The following SYNCRIP variants were observed in gnomAD, a reference collection of about 807,000 sequenced individuals.
The protein encoded by SYNCRIP is heterogeneous nuclear ribonucleoprotein Q.
SYNCRIP carries 9 observed loss-of-function variants against 68.9 expected under a neutral mutation model. The observed-to-expected ratio is 0.13, with a 90% confidence interval of 0.08 to 0.23. The LOEUF (loss-of-function observed/expected upper bound fraction) is 0.23. Ranked by LOEUF, SYNCRIP falls within the 10% of genes least tolerant of loss-of-function variation. The pLI, the probability that SYNCRIP is intolerant of heterozygous loss-of-function variation, is 1.00. For missense variants in SYNCRIP, 414 were observed against 770.6 expected (o/e 0.54, Z 5.48); for synonymous variants, 258 against 254.0 (o/e 1.02, Z -0.15).
intron 8 of SYNCRIP, among the ~76,000 whole-genome samples, chr6:85,622,068 G>A (rs1256703117): frequency 6.6e-6 from 1 of 150,920 alleles, no homozygotes; most frequent in Non-Finnish European, 1.5e-5. Context: ...TAAAAATATG[G>A]TTTAAAAAAA....
chr6:85,631,943 T>TA (rs1562100713), intron 6 of SYNCRIP, among the ~76,000 whole-genome samples: 1 of 152,212 alleles, frequency 6.6e-6, no homozygotes, highest in Non-Finnish European at 1.5e-5. Context: ...GTAGTAGCTA[T>TA]TAATCACCTT....
chr6:85,611,494 T>C (rs910734718), downstream of SYNCRIP: 1 of 152,514 alleles, frequency 6.6e-6, no homozygotes, highest in Non-Finnish European at 1.5e-5. Context: ...CTATTGGGTA[T>C]GTGATATAAC....
At chr6:85,618,321 A>G (rs1325038023) in intron 10 of SYNCRIP, among the ~76,000 whole-genome samples, 2 of 151,980 alleles carry the variant, frequency 1.3e-5, no homozygotes, top group Non-Finnish European at 2.9e-5. Context: ...TGGGCGGATC[A>G]CCTGAGGTCA....
intron 4 of SYNCRIP, among the ~76,000 whole-genome samples, chr6:85,638,932 A>G (rs953369912): frequency 6.6e-6 from 1 of 152,190 alleles, no homozygotes; most frequent in Non-Finnish European, 1.5e-5. Context: ...GTAAGCAGCC[A>G]GGCATGGTGG....
rs2128278264 is a variant in SYNCRIP, at chr6:85,615,094, G to A, written c.1534C>T (p.Arg512Cys). Residue 512 changes from arginine to cysteine, a missense_variant, in exon 11 of 11, where the codon CGT (arginine) becomes TGT (cysteine). By Grantham distance (180) the Arg-to-Cys change is radical. Coordinates refer to ENST00000369622, the MANE Select transcript of SYNCRIP (RefSeq NM_006372.5). The stretch of plus-strand genomic sequence containing the variant: ...CTACCGCGGGGAGGAGCAGCCCCAC[G>A]ACCTCTGGATGGAGCAGCACCCCTT... The part of the protein sequence containing the change: ...GARGAAPSRG[R>C]GAAPPRGRAG... 3 of 1,614,034 alleles carry A rather than the reference G, an allele frequency of 1.9e-6. No individual in the cohort carries two copies. The highest frequency in any genetic ancestry group is 2.2e-5 in the South Asian group (2 of 91,068).
chr6:85,631,984 AGATT>A (rs1807852720), intron 6 of SYNCRIP, among the ~76,000 whole-genome samples: 1 of 152,232 alleles, frequency 6.6e-6, no homozygotes, highest in Non-Finnish European at 1.5e-5. Flanking sequence ...TTCCCTAGCT[AGATT>A]ATCATCATTT....
intron 2 of SYNCRIP, among the ~76,000 whole-genome samples, 174 bp from the exon 3 acceptor site, chr6:85,640,738 A>G (rs900192949): frequency 5.3e-5 from 8 of 151,932 alleles, no homozygotes; most frequent in Admixed American, 2.6e-4. Context: ...CCTGAACTAA[A>G]TATGCCCTAC....
intron 8 of SYNCRIP, among the ~76,000 whole-genome samples, chr6:85,621,969 C>T (rs954111101): frequency 2.7e-5 from 4 of 148,646 alleles, no homozygotes; most frequent in African/African-American, 5.2e-5. Context: ...TAAGTATCCA[C>T]GCATCAATTT....
chr6:85,643,542 G>T (rs1809458698), upstream of SYNCRIP, among the ~76,000 whole-genome samples: 1 of 151,668 alleles, frequency 6.6e-6, no homozygotes, highest in Admixed American at 6.6e-5. Flanking sequence ...TCCAGGCGGG[G>T]CGGGCCGGCT....
In SYNCRIP at chr6:85,638,359, T is replaced by C. The variant is rs935286906; in HGVS notation, c.376-1003A>G. Among the ~76,000 whole-genome samples the C allele has an allele frequency of 5.4e-5, 6 of 111,192 alleles. No individual in the cohort carries two copies. The East Asian group carries it at 1.2e-3, about 22-fold the overall frequency. The allele number at this position is 111,192 out of a possible 152,430, so 72.9% of individuals were successfully genotyped here. On this transcript the variant is annotated intron_variant, in intron 4 of 10. Coordinates refer to ENST00000369622, the MANE Select transcript of SYNCRIP (RefSeq NM_006372.5). ...TCGCGCCACTGCACTCCAGCCTGGA[T>C]GACAGAGCAAGACCCCATCTCAAAA...
rs892921239 is a variant in SYNCRIP, at chr6:85,614,534, TTCAG to T, written c.*218_*221del. 16 of 1,250,798 alleles carry T rather than the reference TTCAG, an allele frequency of 1.3e-5. No individual in the cohort carries two copies. In the African/African-American group the frequency reaches 2.5e-4, roughly 19 times the overall value. 77.5% of individuals were successfully genotyped at this position (1,250,798 alleles called of 1,614,324 possible). On this transcript the variant is annotated 3_prime_UTR_variant, in exon 11 of 11. Transcript: ENST00000369622. Reference sequence around the variant, plus strand: ...AAATGCAAACTCATTAACTATTTCTTTCAGTATCTAAGAATATCTTTATTGAAAA... The same window carrying T: ...AAATGCAAACTCATTAACTATTTCTTTATCTAAGAATATCTTTATTGAAAA...
chr6:85,622,769 T>C (rs1806560472), intron 7 of SYNCRIP, 82 bp from the exon 8 acceptor site: 2 of 1,062,702 alleles, frequency 1.9e-6, no homozygotes, highest in African/African-American at 3.2e-5. Flanking sequence ...TCTAAGATAC[T>C]ACTTAAATAT....
At chr6:85,618,358 T>A (rs1035120234) in intron 10 of SYNCRIP, among the ~76,000 whole-genome samples, 1 of 150,992 alleles carries the variant, frequency 6.6e-6, no homozygotes, top group Non-Finnish European at 1.5e-5. Context: ...CTGGCCAACA[T>A]GACGAAACCC....
In SYNCRIP at chr6:85,614,530, TTC is replaced by T. The variant is rs767041671; in HGVS notation, c.*224_*225del. The T allele has an allele frequency of 1.5e-5, 19 of 1,246,274 alleles. No homozygotes were observed. The highest frequency in any genetic ancestry group is 1.9e-5 in the Non-Finnish European group (19 of 995,760). 77.2% of individuals were successfully genotyped at this position (1,246,274 alleles called of 1,614,324 possible). On this transcript the variant is annotated 3_prime_UTR_variant, in exon 11 of 11. Coordinates refer to ENST00000369622, the MANE Select transcript of SYNCRIP (RefSeq NM_006372.5). ...GCACAAATGCAAACTCATTAACTAT[TTC>T]TTTCAGTATCTAAGAATATCTTTAT...
chr6:85,629,887 G>A (rs974200249), intron 6 of SYNCRIP, among the ~76,000 whole-genome samples: 2 of 151,742 alleles, frequency 1.3e-5, no homozygotes, highest in Non-Finnish European at 2.9e-5. Flanking sequence ...GGGAGGCCGA[G>A]GCAGCAGAAT....
chr6:85,610,667 A>G (rs1805168177), downstream of SYNCRIP: 1 of 152,032 alleles, frequency 6.6e-6, no homozygotes, highest in African/African-American at 2.4e-5. Context: ...AAATGCTATG[A>G]CAGTAAAGTG....
chr6:85,616,487 A>G (rs535479717), intron 10 of SYNCRIP, among the ~76,000 whole-genome samples: 1 of 152,058 alleles, frequency 6.6e-6, no homozygotes, highest in African/African-American at 2.4e-5. Context: ...CACCATACCT[A>G]GCCAATTTTT....
chr6:85,633,269 T>C (rs397887817), intron 6 of SYNCRIP, among the ~76,000 whole-genome samples: 17,829 of 141,412 alleles, frequency 0.13, 1,632 homozygotes, highest in African/African-American at 0.28. Context: ...AACAAATAAA[T>C]AAATAAATAA....
In SYNCRIP at chr6:85,640,571, AAAAT is replaced by A; in HGVS notation, c.149-11_149-8del. 6.6e-7 allele frequency: 1 copy of A among 1,525,770 alleles called. No homozygotes were observed. Among genetic ancestry groups the A allele is most frequent in the Admixed American group, 2.2e-5 (1 of 46,108 alleles). The allele number at this position is 1,525,770 out of a possible 1,614,324, so 94.5% of individuals were successfully genotyped here. On this transcript the variant is annotated splice_polypyrimidine_tract_variant and splice_region_variant and intron_variant, in intron 2 of 10. Transcript: ENST00000369622. ...TCACTATGTGCAACTAGCCCTGAAA[AAAAT>A]AAAAGTTATCAGCTTTTAATATTTT...
Sources: allele counts gnomAD v4.1 joint callset (sites outside exome capture counted in the v4.1 genomes callset), GRCh38; gene constraint gnomAD v4.1.1; transcripts MANE v1.5; gene names NCBI Gene and HGNC (gene_info 2026-07-23, HGNC 2026-07-21).